DIAPH2: variants seen among roughly 807,000 people sequenced by gnomAD.
DIAPH2 encodes diaphanous related formin 2.
DIAPH2 carries 35 observed loss-of-function variants against 92.7 expected under a neutral mutation model. That is an observed-to-expected ratio of 0.38 (90% CI 0.29 to 0.50). DIAPH2 has a LOEUF of 0.50. Among genes scored for constraint, DIAPH2 ranks in the 20% least tolerant of loss-of-function variants. The pLI is 0.94. For missense variants in DIAPH2, 701 were observed against 819.5 expected (o/e 0.86, Z 1.77); for synonymous variants, 301 against 280.4 (o/e 1.07, Z -0.73).
At chrX:97,551,589 G>GT (rs1450952493) in intron 26 of DIAPH2, among the ~76,000 whole-genome samples, 2 of 103,155 alleles carry the variant, frequency 1.9e-5, no homozygotes, top group Admixed American at 1.1e-4. Flanking sequence ...ACGAGACTCC[G>GT]TTTTTTAAAA....
intron 4 of DIAPH2, among the ~76,000 whole-genome samples, chrX:96,811,417 G>C (rs910041106): frequency 8.9e-6 from 1 of 111,829 alleles, no homozygotes; most frequent in Non-Finnish European, 1.9e-5. Flanking sequence ...GAGATTTTAG[G>C]CTGAGACAGT....
At chrX:97,275,515 C>G (rs775933535) in intron 23 of DIAPH2, among the ~76,000 whole-genome samples, 3 of 106,646 alleles carry the variant, frequency 2.8e-5, no homozygotes, top group Non-Finnish European at 5.9e-5. Context: ...CTCCTCACTT[C>G]TCAGACGGGG....
chrX:96,955,347 G>A (rs751888919), intron 15 of DIAPH2, among the ~76,000 whole-genome samples: 2 of 111,665 alleles, frequency 1.8e-5, no homozygotes, highest in Admixed American at 9.5e-5. Context: ...CCCTGGTCCC[G>A]CCCTTGACAC....
chrX:97,476,688 C>T (rs921092008), intron 26 of DIAPH2, among the ~76,000 whole-genome samples: 7 of 108,572 alleles, frequency 6.4e-5, no homozygotes, highest in African/African-American at 2.0e-4. Context: ...GGCCGGGCGC[C>T]GTGGCTCATG....
chrX:97,393,101 A>T (rs1057377496), intron 25 of DIAPH2, among the ~76,000 whole-genome samples: 7 of 111,204 alleles, frequency 6.3e-5, no homozygotes, highest in African/African-American at 2.3e-4. Flanking sequence ...AGCCAGAAGC[A>T]CAAGAAAGGA....
At chrX:97,333,471 C>T (rs2147669975) in intron 23 of DIAPH2, among the ~76,000 whole-genome samples, 1 of 111,647 alleles carries the variant, frequency 9.0e-6, no homozygotes, top group South Asian at 3.8e-4. Context: ...GTCACCCAGG[C>T]TGTAAAACTC....
chrX:97,059,052 G>A (rs964606260), intron 17 of DIAPH2, among the ~76,000 whole-genome samples: 6 of 111,931 alleles, frequency 5.4e-5, no homozygotes, highest in East Asian at 2.8e-4. Flanking sequence ...CAGCAAAAAT[G>A]TGAAGGGAGA....
At chrX:97,001,646 A>AAAAAC (rs201219540) in intron 17 of DIAPH2, among the ~76,000 whole-genome samples, 35 of 111,712 alleles carry the variant, frequency 3.1e-4, no homozygotes, top group African/African-American at 5.8e-4. Flanking sequence ...ACTCCACCTC[A>AAAAAC]AAAACAAAAC....
At chrX:97,481,290 C>T (rs1469289864) in intron 26 of DIAPH2, among the ~76,000 whole-genome samples, 1 of 111,446 alleles carries the variant, frequency 9.0e-6, no homozygotes, top group Non-Finnish European at 1.9e-5. Context: ...TTTTGTAGTA[C>T]GGTAGTGAGA....
At chrX:96,815,659 A>G (rs2064727911) in intron 4 of DIAPH2, among the ~76,000 whole-genome samples, 1 of 110,663 alleles carries the variant, frequency 9.0e-6, no homozygotes, top group African/African-American at 3.3e-5. Flanking sequence ...GCCATCTTGG[A>G]GAGCTCTCTG....
At chrX:96,987,819 T>C (rs1180812803) in intron 17 of DIAPH2, among the ~76,000 whole-genome samples, 1 of 110,883 alleles carries the variant, frequency 9.0e-6, no homozygotes, top group Non-Finnish European at 1.9e-5. Context: ...GAAATGGGAA[T>C]AGAGAAGACA....
At chrX:96,864,567 TG>T (rs763602889) in intron 4 of DIAPH2, among the ~76,000 whole-genome samples, 51 of 111,981 alleles carry the variant, frequency 4.6e-4, no homozygotes, top group Middle Eastern at 4.6e-3. Flanking sequence ...AGTGGGTACA[TG>T]GTGTGTTTTC....
intron 1 of DIAPH2, among the ~76,000 whole-genome samples, chrX:96,712,622 C>G (rs115740602): frequency 9.0e-6 from 1 of 111,124 alleles, no homozygotes; most frequent in South Asian, 3.8e-4. Flanking sequence ...AGATTAATCT[C>G]ACATCAATCT....
chrX:96,812,074 G>C (rs1322058893), intron 4 of DIAPH2, among the ~76,000 whole-genome samples: 1 of 111,756 alleles, frequency 8.9e-6, no homozygotes, highest in Non-Finnish European at 1.9e-5. Context: ...TCTATTGATT[G>C]GAATAGTTTC....
intron 26 of DIAPH2, among the ~76,000 whole-genome samples, chrX:97,537,994 C>T (rs2071110175): frequency 9.2e-6 from 1 of 108,194 alleles, no homozygotes; most frequent in Admixed American, 9.9e-5. Flanking sequence ...ACGCCATTCT[C>T]CTGCCTCAGC....
intron 23 of DIAPH2, among the ~76,000 whole-genome samples, chrX:97,324,038 C>G: frequency 9.0e-6 from 1 of 110,912 alleles, no homozygotes. Context: ...TAATTTGACT[C>G]TGATAATAAC....
At chrX:97,282,352 G>A (rs755089845) in intron 23 of DIAPH2, among the ~76,000 whole-genome samples, 1 of 111,752 alleles carries the variant, frequency 8.9e-6, no homozygotes, top group South Asian at 3.8e-4. Context: ...GGAGTGCAGT[G>A]GCGCGAAATT....
chrX:96,882,959 CAAAA>C (rs1211958338), intron 5 of DIAPH2, among the ~76,000 whole-genome samples: 4 of 32,004 alleles, frequency 1.2e-4, no homozygotes, highest in Non-Finnish European at 2.2e-4. Context: ...ACCCTGTCTC[CAAAA>C]AAAAAAAAAA....
At chrX:97,130,156 G>A (rs771656571) in intron 21 of DIAPH2, among the ~76,000 whole-genome samples, 1 of 112,322 alleles carries the variant, frequency 8.9e-6, no homozygotes, top group Non-Finnish European at 1.9e-5. Context: ...TGCATTGCTG[G>A]TGGGAATGTA....
Sources: gnomAD v4.1 joint callset for allele counts (sites outside exome capture counted in the v4.1 genomes callset) on GRCh38, gnomAD v4.1.1 for gene constraint, MANE v1.5 for transcripts, NCBI Gene and HGNC (gene_info 2026-07-23, HGNC 2026-07-21) for gene names.